Variants in PLCE1 observed in about 807,000 individuals in gnomAD.
PLCE1 encodes phospholipase C epsilon 1.
A neutral mutation model predicts 242.8 loss-of-function variants in PLCE1; 119 were observed. That is an observed-to-expected ratio of 0.49 (90% CI 0.42 to 0.57). The LOEUF is 0.57. Among genes scored for constraint, PLCE1 ranks in the 20% least tolerant of loss-of-function variants. PLCE1 has a pLI of 0.00. For missense variants in PLCE1, 2,441 were observed against 2,788.8 expected, an observed-to-expected ratio of 0.88 and a Z score of 2.81; for synonymous variants, 945 against 1,017.4, an observed-to-expected ratio of 0.93 and a Z score of 1.35.
intron 3 of PLCE1, among the ~76,000 whole-genome samples, chr10:94,142,783 C>A (rs561059957): frequency 6.6e-6 from 1 of 152,280 alleles, no homozygotes; most frequent in Non-Finnish European, 1.5e-5. Context: ...GGGCCTAGAG[C>A]ACTAGCAACT....
intron 1 of PLCE1, among the ~76,000 whole-genome samples, chr10:94,004,527 G>C (rs1421521745): frequency 1.3e-5 from 2 of 152,210 alleles, no homozygotes; most frequent in African/African-American, 4.8e-5. Flanking sequence ...CTCAGAAACT[G>C]ACCCAGAGAT....
In PLCE1 at chr10:94,174,800, G is replaced by A. The variant is rs575601813; in HGVS notation, c.1809+3304G>A. ...ACTGTTAAAGGCTAGAGGAGACCAG[G>A]AGACATGACGACTAAATGCAGTGTG... On this transcript the variant is annotated intron_variant, in intron 4 of 32. Transcript: ENST00000371380. Among the ~76,000 whole-genome samples the A allele has an allele frequency of 6.6e-5, 10 of 152,276 alleles. 1 individual carries two copies. In the South Asian group the frequency reaches 2.1e-3, roughly 32 times the overall value.
intron 2 of PLCE1, among the ~76,000 whole-genome samples, chr10:94,114,933 A>G (rs921139473): frequency 3.3e-5 from 5 of 149,562 alleles, no homozygotes; most frequent in Admixed American, 3.3e-4. Flanking sequence ...CCATCCCACA[A>G]CAGGCCCCGG....
At chr10:94,143,427 G>A (rs778138029) in intron 3 of PLCE1, among the ~76,000 whole-genome samples, 2 of 152,086 alleles carry the variant, frequency 1.3e-5, no homozygotes, top group African/African-American at 2.4e-5. Flanking sequence ...ACTTTTGAGT[G>A]TTTCTAAATT....
chr10:94,088,873 A>G (rs1448010136), intron 2 of PLCE1, among the ~76,000 whole-genome samples: 1 of 152,232 alleles, frequency 6.6e-6, no homozygotes, highest in African/African-American at 2.4e-5. Context: ...CTAAATTTAC[A>G]GAAGCCAGAT....
intron 28 of PLCE1, among the ~76,000 whole-genome samples, chr10:94,313,892 C>T (rs2053476923): frequency 6.6e-6 from 1 of 152,154 alleles, no homozygotes; most frequent in Non-Finnish European, 1.5e-5. Flanking sequence ...TAAGGCCTTC[C>T]TTTGCATGTT....
intron 3 of PLCE1, among the ~76,000 whole-genome samples, chr10:94,157,437 C>T (rs1168740718): frequency 6.6e-6 from 1 of 152,180 alleles, no homozygotes; most frequent in African/African-American, 2.4e-5. Flanking sequence ...AAGTCAACAA[C>T]TGAGCTGGGC....
intron 4 of PLCE1, among the ~76,000 whole-genome samples, chr10:94,175,086 G>C (rs1401603347): frequency 6.6e-6 from 1 of 152,196 alleles, no homozygotes; most frequent in African/African-American, 2.4e-5. Context: ...AGCTCAGAGA[G>C]ATTGAGTCAC....
chr10:94,208,467 C>T (rs1165604992), intron 4 of PLCE1, among the ~76,000 whole-genome samples: 1 of 152,198 alleles, frequency 6.6e-6, no homozygotes, highest in African/African-American at 2.4e-5. Context: ...AAACAAAATG[C>T]AAAGTGTGGT....
At chr10:94,219,484 G>T (rs369730081) in intron 4 of PLCE1, among the ~76,000 whole-genome samples, 9 of 152,208 alleles carry the variant, frequency 5.9e-5, no homozygotes, top group African/African-American at 2.2e-4. Context: ...TACAGTTTAT[G>T]ATTCCAACAA....
Position 94,316,667 on chromosome 10 carries a change from G to A in PLCE1, c.6253G>A (p.Gly2085Ser). The change falls in exon 29 of 33, where the codon GGT becomes AGT. Residue 2085 changes from glycine to serine, a missense_variant. By Grantham distance (56) the Gly-to-Ser change is moderately conservative (BLOSUM62 0). Transcript: ENST00000371380. ...GAAACAACCATTCCAGAGAGCCATT[G>A]GTCCAGAAGAGGAGATCATGCAAAT... ...CRKQPFQRAIGPEEEIMQILS... is the reference protein window; with the variant it reads ...CRKQPFQRAISPEEEIMQILS... 1 of 1,613,550 alleles carries A rather than the reference G, an allele frequency of 6.2e-7. No homozygotes were observed. Among genetic ancestry groups the A allele is most frequent in the Non-Finnish European group, 8.5e-7 (1 of 1,179,456 alleles).
chr10:94,264,739 C>G (rs2051451156), intron 14 of PLCE1, among the ~76,000 whole-genome samples: 1 of 151,946 alleles, frequency 6.6e-6, no homozygotes, highest in Non-Finnish European at 1.5e-5. Flanking sequence ...CCAGGCTGGT[C>G]TCGAACTCCT....
intron 20 of PLCE1, among the ~76,000 whole-genome samples, chr10:94,281,409 T>A (rs1385033617): frequency 6.6e-6 from 1 of 152,194 alleles, no homozygotes; most frequent in Non-Finnish European, 1.5e-5. Context: ...TTATTATAGA[T>A]GGTTTTGATT....
intron 2 of PLCE1, among the ~76,000 whole-genome samples, chr10:94,103,055 A>G (rs1259917380): frequency 6.6e-6 from 1 of 152,242 alleles, no homozygotes; most frequent in Admixed American, 6.5e-5. Context: ...TAAACTGCCC[A>G]TCACAATCTA....
intron 2 of PLCE1, among the ~76,000 whole-genome samples, chr10:94,102,524 A>G (rs1024955601): frequency 6.6e-6 from 1 of 152,226 alleles, no homozygotes; most frequent in African/African-American, 2.4e-5. Flanking sequence ...TGTGTCTGCC[A>G]TCTGCCTCCT....
intron 8 of PLCE1, among the ~76,000 whole-genome samples, chr10:94,249,166 A>G (rs2050789309): frequency 6.6e-6 from 1 of 152,200 alleles, no homozygotes; most frequent in Non-Finnish European, 1.5e-5. Flanking sequence ...TCTCTACATG[A>G]GCCATTTATG....
intron 4 of PLCE1, among the ~76,000 whole-genome samples, chr10:94,188,481 TG>T (rs1431007149): frequency 6.6e-6 from 1 of 152,240 alleles, no homozygotes; most frequent in Non-Finnish European, 1.5e-5. Context: ...CCTCTCTGTG[TG>T]GCTCTTGGAC....
intron 4 of PLCE1, among the ~76,000 whole-genome samples, chr10:94,200,546 T>C (rs1209477681): frequency 6.6e-6 from 1 of 152,102 alleles, no homozygotes; most frequent in African/African-American, 2.4e-5. Context: ...TGAAAGAGAA[T>C]AGACAAATCT....
chr10:94,327,217 C>T (rs2054055931), intron 32 of PLCE1, among the ~76,000 whole-genome samples: 2 of 152,194 alleles, frequency 1.3e-5, no homozygotes, highest in African/African-American at 4.8e-5. Flanking sequence ...TGTGAATTGA[C>T]ATCCCATGTT....
Sources: allele counts gnomAD v4.1 joint callset (sites outside exome capture counted in the v4.1 genomes callset), GRCh38; gene constraint gnomAD v4.1.1; transcripts MANE v1.5; gene names NCBI Gene and HGNC (gene_info 2026-07-23, HGNC 2026-07-21).